PIK3C2G: variants seen among roughly 807,000 people sequenced by gnomAD.
The protein encoded by PIK3C2G is phosphatidylinositol-4-phosphate 3-kinase catalytic subunit type 2 gamma.
Under a neutral mutation model 181.1 loss-of-function variants are expected in PIK3C2G, and 168 were observed. That is an observed-to-expected ratio of 0.93 (90% confidence interval 0.82 to 1.05). The LOEUF (loss-of-function observed/expected upper bound fraction) is 1.05. Among genes scored for constraint, PIK3C2G ranks in the 50% least tolerant of loss-of-function variants. The pLI is 0.00. For missense variants in PIK3C2G, 1,869 were observed against 1,732.8 expected (o/e 1.08, Z -1.40); for synonymous variants, 573 against 592.2 (o/e 0.97, Z 0.47).
chr12:18,309,794 G>C (rs1383310887), intron 5 of PIK3C2G, among the ~76,000 whole-genome samples: 1 of 151,734 alleles, frequency 6.6e-6, no homozygotes, highest in Non-Finnish European at 1.5e-5. Flanking sequence ...AGTGTCTCTT[G>C]TAGCTCCAGG....
intron 30 of PIK3C2G, among the ~76,000 whole-genome samples, chr12:18,608,355 C>T (rs1412387094): frequency 6.6e-6 from 1 of 152,032 alleles, no homozygotes; most frequent in Non-Finnish European, 1.5e-5. Context: ...GGCACATATA[C>T]ACCATGGAAT....
chr12:18,460,903 G>A lies in PIK3C2G; in HGVS notation c.2505-27546G>A, dbSNP rs187017747. 2.2e-3 allele frequency among the ~76,000 whole-genome samples: 330 copies of A among 152,004 alleles called. 2 individuals are homozygous for A. The highest frequency in any genetic ancestry group is 7.6e-3 in the African/African-American group (315 of 41,450). ...CACTTTCTGGGGTCTGCTTTCCTCA[G>A]CTGTAAAATGAATGCTAATATTAAT... On this transcript the variant is annotated intron_variant, in intron 18 of 32. Transcript: ENST00000538779.
At position 18,282,191 on chromosome 12, in the gene PIK3C2G, G is replaced by C. The variant is rs138937926; in HGVS notation, c.110G>C (p.Ser37Thr). The C allele has an allele frequency of 5.0e-6, 8 of 1,612,918 alleles. No individual in the cohort carries two copies. The highest frequency in any genetic ancestry group is 6.8e-6 in the Non-Finnish European group (8 of 1,179,374). The part of the protein sequence containing the change: ...VNQPHSSSQV[S>T]LGFDQIVDEI... ...CAACCCCATTCTTCTAGCCAAGTCA[G>C]TCTGGGTTTTGATCAGATAGTAGAT... The change falls in exon 2 of 33, where the codon AGT becomes ACT. Residue 37 changes from serine (S) to threonine (T), a missense_variant. Physicochemically the swap from Ser to Thr is moderately conservative, Grantham distance 58 (BLOSUM62 1). Transcript: ENST00000538779.
intron 18 of PIK3C2G, among the ~76,000 whole-genome samples, chr12:18,436,131 G>A (rs1946434774): frequency 6.6e-6 from 1 of 151,986 alleles, no homozygotes; most frequent in Non-Finnish European, 1.5e-5. Context: ...TTTCTGCTGT[G>A]CCATCCTCAC....
chr12:18,414,523 A>T (rs922219197), intron 16 of PIK3C2G, among the ~76,000 whole-genome samples: 1 of 152,046 alleles, frequency 6.6e-6, no homozygotes, highest in Non-Finnish European at 1.5e-5. Flanking sequence ...CTTTTTTACT[A>T]TTTTTAAGGA....
At chr12:18,572,526 TG>T (rs1341658140) in intron 29 of PIK3C2G, among the ~76,000 whole-genome samples, 3 of 151,472 alleles carry the variant, frequency 2.0e-5, no homozygotes, top group Admixed American at 6.6e-5. Context: ...TATCTGGTTT[TG>T]TTTTTTTGCA....
At chr12:18,311,530 GGT>G (rs150381184) in intron 5 of PIK3C2G, among the ~76,000 whole-genome samples, 49 of 148,624 alleles carry the variant, frequency 3.3e-4, no homozygotes, top group Admixed American at 6.8e-4. Flanking sequence ...GGTATAAAGG[GGT>G]GTGTGTGTGT....
chr12:18,500,941 C>T (rs1490500103), intron 22 of PIK3C2G, among the ~76,000 whole-genome samples: 2 of 151,780 alleles, frequency 1.3e-5, no homozygotes, highest in African/African-American at 2.4e-5. Context: ...CCGGGAGGAA[C>T]GAACAACTCC....
At chr12:18,610,915 C>T (rs1052611764) in intron 31 of PIK3C2G, among the ~76,000 whole-genome samples, 4 of 152,008 alleles carry the variant, frequency 2.6e-5, no homozygotes, top group Non-Finnish European at 4.4e-5. Flanking sequence ...GTTATCATTG[C>T]TCAAAACATT....
At chr12:18,688,553 C>CAT in the PIK3C2G span, among the ~76,000 whole-genome samples, 8,724 of 146,756 alleles carry the variant, frequency 0.059, 323 homozygotes, top group African/African-American at 0.11. Flanking sequence ...TTTTTGAATT[C>CAT]ATATATATAT....
chr12:18,631,241 G>A (rs1306797861), intron 31 of PIK3C2G, among the ~76,000 whole-genome samples: 1 of 152,106 alleles, frequency 6.6e-6, no homozygotes, highest in Non-Finnish European at 1.5e-5. Flanking sequence ...TTCTCTTAAA[G>A]ATTTGAAAAA....
At chr12:18,627,180 A>G (rs571621111) in intron 31 of PIK3C2G, among the ~76,000 whole-genome samples, 34 of 151,500 alleles carry the variant, frequency 2.2e-4, no homozygotes, top group Non-Finnish European at 4.6e-4. Context: ...GCATTTTTTC[A>G]GTTCAGTCAT....
At chr12:18,714,290 G>A in the PIK3C2G span, among the ~76,000 whole-genome samples, 1 of 152,216 alleles carries the variant, frequency 6.6e-6, no homozygotes, top group Non-Finnish European at 1.5e-5. Flanking sequence ...CTGACATGGA[G>A]CTAATATGTG....
intron 18 of PIK3C2G, among the ~76,000 whole-genome samples, chr12:18,454,710 G>T (rs117280937): frequency 0.045 from 6,811 of 152,238 alleles, 225 homozygotes; most frequent in Non-Finnish European, 0.068. Context: ...TGCATTAGCT[G>T]AAGGTGGTAC....
downstream of PIK3C2G, among the ~76,000 whole-genome samples, chr12:18,650,291 A>AAAAC (rs2136879264): frequency 9.5e-5 from 9 of 94,296 alleles, no homozygotes; most frequent in South Asian, 4.8e-3. Flanking sequence ...GCTAACCCAA[A>AAAAC]TTTCTCTCTC....
chr12:18,647,363 G>A (rs1325707617), intron 32 of PIK3C2G, among the ~76,000 whole-genome samples: 1 of 151,336 alleles, frequency 6.6e-6, no homozygotes, highest in African/African-American at 2.4e-5. Context: ...TCACTACTTA[G>A]GCAACATGAT....
the PIK3C2G span, chr12:18,723,648 T>G: frequency 1.1e-6 from 1 of 911,218 alleles, no homozygotes; most frequent in Non-Finnish European, 1.7e-6. Context: ...TGAAAGAAGA[T>G]GAAAATTACA....
At chr12:18,651,176 G>A (rs1950499449), downstream of PIK3C2G, among the ~76,000 whole-genome samples, 1 of 151,944 alleles carries the variant, frequency 6.6e-6, no homozygotes, top group Non-Finnish European at 1.5e-5. Flanking sequence ...GGACACTCCA[G>A]GCACGCTTCA....
intron 16 of PIK3C2G, among the ~76,000 whole-genome samples, chr12:18,404,220 T>A (rs1168561465): frequency 6.6e-6 from 1 of 152,176 alleles, no homozygotes; most frequent in Non-Finnish European, 1.5e-5. Flanking sequence ...ACTAACATTG[T>A]AAATAGAAAG....
Sources: allele counts gnomAD v4.1 joint callset (sites outside exome capture counted in the v4.1 genomes callset), GRCh38; gene constraint gnomAD v4.1.1; transcripts MANE v1.5; gene names NCBI Gene and HGNC (gene_info 2026-07-23, HGNC 2026-07-21).